POLR1B: variants seen among roughly 807,000 people sequenced by gnomAD.
The protein encoded by POLR1B is DNA-directed RNA polymerase I subunit RPA2.
Under a neutral mutation model 105.8 loss-of-function variants are expected in POLR1B, and 30 were observed. The observed-to-expected ratio is 0.28, with a 90% CI of 0.21 to 0.38. The LOEUF (loss-of-function observed/expected upper bound fraction) is 0.38. Among genes scored for constraint, POLR1B ranks in the 10% least tolerant of loss-of-function variants. The probability of loss-of-function intolerance (pLI) is 1.00; values close to 1 mark genes in which losing one functional copy is unlikely to be tolerated. For synonymous variants in POLR1B, 485 were observed against 505.1 expected, an observed-to-expected ratio of 0.96 and a Z score of 0.53; for missense variants, 976 against 1,435.8, an observed-to-expected ratio of 0.68 and a Z score of 5.17.
At chr2:112,568,666 GTACTGA>G in intron 11 of POLR1B, 74 bp from the exon 12 acceptor site, 1 of 1,490,338 alleles carries the variant, frequency 6.7e-7, no homozygotes, top group Non-Finnish European at 9.2e-7. Flanking sequence ...GAGTCTTTGA[GTACTGA>G]ACTCTGAGAA....
chr2:112,565,714 G>A (rs1201010007), intron 10 of POLR1B, among the ~76,000 whole-genome samples: 1 of 152,042 alleles, frequency 6.6e-6, no homozygotes, highest in African/African-American at 2.4e-5. Flanking sequence ...CTGTACCACT[G>A]TGCCCGGCTA....
intron 7 of POLR1B, among the ~76,000 whole-genome samples, chr2:112,555,962 T>C (rs556717498): frequency 1.5e-4 from 23 of 152,270 alleles, no homozygotes; most frequent in Non-Finnish European, 2.9e-4. Flanking sequence ...AGATTAACCA[T>C]AAAACACTTC....
At chr2:112,564,536 A>G (rs1362109870) in intron 10 of POLR1B, 37 bp downstream of exon 10, 2 of 1,613,240 alleles carry the variant, frequency 1.2e-6, no homozygotes, top group South Asian at 2.2e-5. Context: ...CTATCCCTTG[A>G]CCTTAGGTTT....
At chr2:112,549,470 C>G in intron 4 of POLR1B, 71 bp downstream of exon 4, 1 of 1,148,326 alleles carries the variant, frequency 8.7e-7, no homozygotes, top group Non-Finnish European at 1.2e-6. Context: ...GAAGTAGATG[C>G]ATCCAAATGG....
intron 3 of POLR1B, among the ~76,000 whole-genome samples, chr2:112,547,799 G>A (rs1449666208): frequency 6.6e-6 from 1 of 150,802 alleles, no homozygotes; most frequent in Non-Finnish European, 1.5e-5. Flanking sequence ...GAACTGGTAG[G>A]TTTTTCCCTA....
At chr2:112,543,403 A>G (rs79849714) in intron 1 of POLR1B, among the ~76,000 whole-genome samples, 8,555 of 152,180 alleles carry the variant, frequency 0.056, 431 homozygotes, top group Non-Finnish European at 0.077. Flanking sequence ...GTGCATGCCA[A>G]TGTTCTTGAG....
Position 112,578,896 on chromosome 2 carries a change from T to G in POLR1B, c.*3167T>G, listed in dbSNP as rs2104591835. ...ACTGTTCTCACATATTTTCAGACTG[T>G]GGGTAACTGAAACTGCATAAAGCAA... On this transcript the variant is annotated 3_prime_UTR_variant, in exon 15 of 15. Coordinates refer to ENST00000263331, the MANE Select transcript of POLR1B (RefSeq NM_019014.6). Among the ~76,000 whole-genome samples the G allele has an allele frequency of 6.6e-6, 1 of 152,176 alleles. No individual in the cohort carries two copies. The highest frequency in any genetic ancestry group is 2.1e-4 in the South Asian group (1 of 4,820).
At chr2:112,555,285 G>A (rs1193140786) in intron 7 of POLR1B, among the ~76,000 whole-genome samples, 2 of 152,028 alleles carry the variant, frequency 1.3e-5, no homozygotes, top group African/African-American at 4.8e-5. Context: ...GCTGCAATAA[G>A]GGGTGATTTT....
rs1416344270 is a variant in POLR1B, at chr2:112,564,445, C to T, written c.1692C>T (p.Gly564=). The T allele has an allele frequency of 6.2e-7, 1 of 1,614,262 alleles. No individual in the cohort carries two copies. The highest frequency in any genetic ancestry group is 1.3e-5 in the African/African-American group (1 of 75,070). Residue 564 remains glycine, a synonymous_variant, in exon 10 of 15, where the codon GGC becomes GGT. Coordinates refer to ENST00000263331, the MANE Select transcript of POLR1B (RefSeq NM_019014.6). ...TCCTGCTGGACGGTGTCATGGTTGG[C>T]TGGGTGGATAAGGATCTTGCTCCAG... ...YPVLLDGVMV[G]WVDKDLAPGI...
chr2:112,576,011 C>T lies in POLR1B; in HGVS notation c.*282C>T. 2.5e-6 allele frequency: 1 copy of T among 397,472 alleles called. No individual in the cohort carries two copies. Among genetic ancestry groups the T allele is most frequent in the Non-Finnish European group, 4.6e-6 (1 of 215,584 alleles). 24.6% of individuals were successfully genotyped at this position (397,472 alleles called of 1,614,324 possible). A position where few individuals can be genotyped will look rare whatever the true frequency, so the allele number is the denominator to read the frequency against. On this transcript the variant is annotated 3_prime_UTR_variant, in exon 15 of 15. Transcript: ENST00000263331. ...TACGGTGACAAGTCTCCTTTCCAACCCCAGGTTCCCTACACCCTGCTCTCA... is the reference window on the plus strand; with the variant it reads ...TACGGTGACAAGTCTCCTTTCCAACTCCAGGTTCCCTACACCCTGCTCTCA...
chr2:112,555,002 A>G (rs1385153603), intron 7 of POLR1B, among the ~76,000 whole-genome samples: 1 of 152,196 alleles, frequency 6.6e-6, no homozygotes, highest in African/African-American at 2.4e-5. Context: ...GCAACATTGC[A>G]AAACCCTGTC....
Position 112,542,503 on chromosome 2 carries a change from T to A in POLR1B, c.9T>A (p.Pro3=). The A allele has an allele frequency of 6.2e-7, 1 of 1,613,636 alleles. No individual in the cohort carries two copies. The highest frequency in any genetic ancestry group is 8.5e-7 in the Non-Finnish European group (1 of 1,179,980). The stretch of plus-strand genomic sequence containing the variant: ...GGTGTGCAGGTGGCCACATGGATCC[T>A]GGCAGCCGGTGGCGGAACCTGCCCA... MD[P]GSRWRNLPSG... Residue 3 remains proline (P), a synonymous_variant, in exon 1 of 15, where the codon CCT becomes CCA. Transcript: ENST00000263331.
intron 9 of POLR1B, among the ~76,000 whole-genome samples, chr2:112,559,807 T>G (rs1683873820): frequency 6.6e-6 from 1 of 152,020 alleles, no homozygotes; most frequent in Non-Finnish European, 1.5e-5. Context: ...ATTTTTTGTA[T>G]TTTTAGTAGA....
Position 112,573,718 on chromosome 2 carries a change from G to A in POLR1B, c.2428G>A (p.Asp810Asn), listed in dbSNP as rs1684711163. Residue 810 changes from aspartate to asparagine, a missense_variant, in exon 14 of 15, where the codon GAT (aspartate) becomes AAT (asparagine). Asp to Asn is a conservative substitution (Grantham distance 23). Around this residue, in one of 12 missense-constraint regions of POLR1B, gnomAD observed 119 missense variants for 149.7 expected, o/e 0.79. Coordinates refer to ENST00000263331, the MANE Select transcript of POLR1B (RefSeq NM_019014.6). ...ACGCGTTCTGCAGAAGTTAGATGAC[G>A]ATGGATTGCCGTTTATAGGAGCAAA... Reference protein sequence around the residue: ...DPRVLQKLDDDGLPFIGAKLQ... With the variant: ...DPRVLQKLDDNGLPFIGAKLQ... 6 of 1,614,228 alleles carry A rather than the reference G, an allele frequency of 3.7e-6. No individual in the cohort carries two copies. Among genetic ancestry groups the A allele is most frequent in the South Asian group, 1.1e-5 (1 of 91,090 alleles).
At chr2:112,548,904 G>A (rs192063157) in intron 3 of POLR1B, among the ~76,000 whole-genome samples, 8 of 152,222 alleles carry the variant, frequency 5.3e-5, no homozygotes, top group East Asian at 1.9e-4. Context: ...GAGCCACCGC[G>A]CCCGGCCCAG....
At chr2:112,550,612 C>T (rs1472329633) in intron 4 of POLR1B, 6 of 502,602 alleles carry the variant, frequency 1.2e-5, no homozygotes, top group African/African-American at 9.6e-5. Flanking sequence ...GGACTCTGTC[C>T]TGGAGGGAAA....
chr2:112,546,544 CTTTTTTTTTTTTTTTTTT>C lies in POLR1B; in HGVS notation c.178-450_178-433del, dbSNP rs869087985. Among the ~76,000 whole-genome samples the C allele has an allele frequency of 2.6e-3, 139 of 53,200 alleles. 1 individual carries two copies. Among genetic ancestry groups the C allele is most frequent in the African/African-American group, 9.5e-3 (119 of 12,508 alleles). 34.9% of individuals were successfully genotyped at this position (53,200 alleles called of 152,430 possible). On this transcript the variant is annotated intron_variant, in intron 1 of 14. Transcript: ENST00000263331. ...GAAGTTATGAGTAGACTGGAGGTAG[CTTTTTTTTTTTTTTTTTT>C]TTTTTTTTTTTTTTTTTGAGACGGA...
chr2:112,551,558 C>A (rs981675016), intron 5 of POLR1B, among the ~76,000 whole-genome samples: 7 of 152,160 alleles, frequency 4.6e-5, no homozygotes, highest in Non-Finnish European at 8.8e-5. Context: ...GGAAACTACA[C>A]GTTTGTGAAC....
At chr2:112,568,202 C>T in intron 11 of POLR1B, 65 bp downstream of exon 11, 3 of 1,442,338 alleles carry the variant, frequency 2.1e-6, no homozygotes, top group Non-Finnish European at 2.8e-6. Context: ...CTTTCAGAGA[C>T]TTAACTCTTC....
Sources: allele counts gnomAD v4.1 joint callset (sites outside exome capture counted in the v4.1 genomes callset), GRCh38; gene constraint gnomAD v4.1.1; regional missense constraint gnomAD v4.1.1; transcripts MANE v1.5; gene names NCBI Gene and HGNC (gene_info 2026-07-23, HGNC 2026-07-21).